Variants in DIAPH3 observed in about 807,000 individuals in gnomAD.
DIAPH3 encodes the protein diaphanous related formin 3, also known as protein diaphanous homolog 3.
A neutral mutation model predicts 144.3 loss-of-function variants in DIAPH3; 117 were observed. The observed-to-expected ratio is 0.81, with a 90% CI of 0.70 to 0.95. The LOEUF (loss-of-function observed/expected upper bound fraction) is 0.95, where lower values mean the gene tolerates loss of function less well. Ranked by LOEUF, DIAPH3 falls within the 40% of genes least tolerant of loss-of-function variation. DIAPH3 has a pLI of 0.00. For missense variants in DIAPH3, 1,421 were observed against 1,412.7 expected, an observed-to-expected ratio of 1.01 and a Z score of -0.09; for synonymous variants, 519 against 488.9, an observed-to-expected ratio of 1.06 and a Z score of -0.81.
chr13:59,855,413 A>T (rs576829370), intron 22 of DIAPH3, among the ~76,000 whole-genome samples: 7 of 152,154 alleles, frequency 4.6e-5, no homozygotes, highest in Non-Finnish European at 1.0e-4. Flanking sequence ...ATATGCAAAC[A>T]TATATAAATT....
intron 15 of DIAPH3, among the ~76,000 whole-genome samples, chr13:59,972,327 T>C (rs962180501): frequency 6.6e-6 from 1 of 152,150 alleles, no homozygotes; most frequent in African/African-American, 2.4e-5. Context: ...TTCCATGGCA[T>C]AATAAGAATT....
intron 2 of DIAPH3, among the ~76,000 whole-genome samples, chr13:60,126,036 T>C (rs2058981005): frequency 1.3e-5 from 2 of 152,160 alleles, no homozygotes. Context: ...TTGAGGTTAT[T>C]CAGTAGGCCA....
At chr13:59,888,922 C>T (rs2045618264) in intron 20 of DIAPH3, among the ~76,000 whole-genome samples, 1 of 151,990 alleles carries the variant, frequency 6.6e-6, no homozygotes, top group African/African-American at 2.4e-5. Context: ...TTAAACTCTT[C>T]TGTTGACTTC....
chr13:59,763,640 T>C (rs73529640), intron 27 of DIAPH3, among the ~76,000 whole-genome samples: 12,558 of 152,164 alleles, frequency 0.083, 676 homozygotes, highest in South Asian at 0.19. Flanking sequence ...GTTATGATCA[T>C]ACCACTGCAC....
rs150975112 is a variant in DIAPH3, at chr13:59,736,282, T to A, written c.3319+37907A>T. Among the ~76,000 whole-genome samples the A allele has an allele frequency of 2.6e-5, 4 of 152,360 alleles. No homozygotes were observed. In the East Asian group the frequency reaches 7.7e-4, roughly 29 times the overall value. ...GTGTATGTCTTTACAACAGACTGAT[T>A]TATATTCCTTTGGATATATACCCAG... On this transcript the variant is annotated intron_variant, in intron 27 of 27. Coordinates refer to ENST00000400324, the MANE Select transcript of DIAPH3 (RefSeq NM_001042517.2).
intron 27 of DIAPH3, among the ~76,000 whole-genome samples, chr13:59,717,678 G>A (rs1284907076): frequency 6.6e-6 from 1 of 151,958 alleles, no homozygotes; most frequent in Non-Finnish European, 1.5e-5. Context: ...GCAAAATACT[G>A]GTTGGCTTTC....
chr13:60,022,865 C>T (rs1227868751), intron 5 of DIAPH3, among the ~76,000 whole-genome samples: 3 of 152,142 alleles, frequency 2.0e-5, no homozygotes, highest in African/African-American at 7.2e-5. Context: ...TTGTCAAATG[C>T]TATTTCTGCA....
intron 20 of DIAPH3, among the ~76,000 whole-genome samples, chr13:59,891,414 G>A (rs2045786245): frequency 6.7e-6 from 1 of 149,830 alleles, no homozygotes. Context: ...AAAGCATCAT[G>A]TTTCCATACC....
At chr13:60,103,549 T>C (rs1359585955) in intron 3 of DIAPH3, among the ~76,000 whole-genome samples, 1 of 152,164 alleles carries the variant, frequency 6.6e-6, no homozygotes, top group African/African-American at 2.4e-5. Flanking sequence ...AAATACAGTA[T>C]TATAATGGAC....
intron 17 of DIAPH3, among the ~76,000 whole-genome samples, chr13:59,945,822 C>A (rs2140409968): frequency 6.6e-6 from 1 of 151,962 alleles, no homozygotes; most frequent in East Asian, 1.9e-4. Flanking sequence ...CTTCATGACT[C>A]AAGGTTAATT....
intron 27 of DIAPH3, among the ~76,000 whole-genome samples, chr13:59,721,290 A>G: frequency 6.6e-6 from 1 of 152,198 alleles, no homozygotes; most frequent in Non-Finnish European, 1.5e-5. Flanking sequence ...CAAATGCATA[A>G]AACTTTCAGA....
chr13:59,839,166 A>T (rs760799107), intron 23 of DIAPH3, 158 bp downstream of exon 23: 266 of 699,952 alleles, frequency 3.8e-4, no homozygotes, highest in Non-Finnish European at 6.0e-4. Context: ...TGATTGACAG[A>T]CACTTTGATA....
intron 24 of DIAPH3, among the ~76,000 whole-genome samples, chr13:59,832,515 C>G (rs534412904): frequency 6.6e-6 from 1 of 151,784 alleles, no homozygotes; most frequent in Admixed American, 6.6e-5. Flanking sequence ...GGCAACAATG[C>G]CTTCTCACTT....
At chr13:59,723,959 T>TAAAAAAA (rs144643410) in intron 27 of DIAPH3, among the ~76,000 whole-genome samples, 1 of 133,790 alleles carries the variant, frequency 7.5e-6, no homozygotes. Flanking sequence ...TGTTAAAAGT[T>TAAAAAAA]AAAAAAAAAA....
chr13:59,845,981 GA>G (rs1232459665), intron 22 of DIAPH3, among the ~76,000 whole-genome samples: 1 of 152,060 alleles, frequency 6.6e-6, no homozygotes, highest in East Asian at 1.9e-4. Context: ...CGTTAAAAAT[GA>G]AACAGGAAAA....
At chr13:59,750,536 G>A (rs919738517) in intron 27 of DIAPH3, among the ~76,000 whole-genome samples, 12 of 152,290 alleles carry the variant, frequency 7.9e-5, no homozygotes, top group Admixed American at 3.9e-4. Context: ...AAAAGGGTCT[G>A]CTCTCGTTTA....
At chr13:59,703,449 T>G (rs2034228425) in intron 27 of DIAPH3, among the ~76,000 whole-genome samples, 1 of 152,232 alleles carries the variant, frequency 6.6e-6, no homozygotes, top group African/African-American at 2.4e-5. Context: ...TACAGCATCT[T>G]TTTTTGCTCT....
chr13:59,767,507 A>T (rs983269340), intron 27 of DIAPH3, among the ~76,000 whole-genome samples: 4 of 152,028 alleles, frequency 2.6e-5, no homozygotes, highest in Non-Finnish European at 5.9e-5. Flanking sequence ...TTAAGTCCAA[A>T]CACAAAATTT....
chr13:59,680,518 C>G (rs2032882389), intron 27 of DIAPH3, among the ~76,000 whole-genome samples: 1 of 151,690 alleles, frequency 6.6e-6, no homozygotes, highest in South Asian at 2.1e-4. Context: ...CATACACTTA[C>G]TTGCAGAACC....
Sources: allele counts gnomAD v4.1 joint callset (sites outside exome capture counted in the v4.1 genomes callset), GRCh38; gene constraint gnomAD v4.1.1; transcripts MANE v1.5; gene names NCBI Gene and HGNC (gene_info 2026-07-23, HGNC 2026-07-21).